Variants in NUDT21 observed in about 807,000 individuals in gnomAD.
NUDT21 encodes cleavage and polyadenylation specificity factor subunit 5.
Under a neutral mutation model 29.8 loss-of-function variants are expected in NUDT21, and 5 were observed. The ratio of observed to expected loss-of-function variants is 0.17; its 90% CI spans 0.09 to 0.35. The LOEUF is 0.35. Ranked by LOEUF, NUDT21 falls within the 10% of genes least tolerant of loss-of-function variation. The pLI, the probability that NUDT21 is intolerant of heterozygous loss-of-function variation, is 1.00. For synonymous variants in NUDT21, 113 were observed against 98.5 expected (o/e 1.15, Z -0.87); for missense variants, 76 against 276.0 (o/e 0.28, Z 5.13).
At chr16:56,439,825 T>A in intron 3 of NUDT21, 79 bp from the exon 4 acceptor site, 6 of 1,092,940 alleles carry the variant, frequency 5.5e-6, no homozygotes, top group Non-Finnish European at 8.5e-6. Flanking sequence ...AGAAAATTCT[T>A]AGCAGTGCTC....
chr16:56,441,162 G>A (rs1033293225), intron 3 of NUDT21, among the ~76,000 whole-genome samples: 2 of 151,888 alleles, frequency 1.3e-5, no homozygotes, highest in Non-Finnish European at 2.9e-5. Flanking sequence ...GCCCCACAAA[G>A]CACTGGGATT....
chr16:56,450,947 A>G, intron 1 of NUDT21, 140 bp downstream of exon 1: 1 of 660,540 alleles, frequency 1.5e-6, no homozygotes, highest in Non-Finnish European at 2.6e-6. Context: ...TGAGAGAGGG[A>G]GGAAGGCGCG....
At chr16:56,440,559 T>C (rs1437157598) in intron 3 of NUDT21, among the ~76,000 whole-genome samples, 1 of 152,190 alleles carries the variant, frequency 6.6e-6, no homozygotes, top group African/African-American at 2.4e-5. Context: ...ACTGGTCAAG[T>C]ATTTTGTAAA....
Position 56,432,540 on chromosome 16 carries a change from ACTAT to A in NUDT21, c.*168_*171del. ...AAACATTATCACATTTGTTTACACCACTATCTAGTTCTTCATATTAATTTTACTA... is the reference window on the plus strand; with the variant it reads ...AAACATTATCACATTTGTTTACACCACTAGTTCTTCATATTAATTTTACTA... On this transcript the variant is annotated 3_prime_UTR_variant, in exon 7 of 7. Transcript: ENST00000300291. 1 of 450,390 alleles carries A rather than the reference ACTAT, an allele frequency of 2.2e-6. No homozygotes were observed. Among genetic ancestry groups the A allele is most frequent in the Non-Finnish European group, 4.1e-6 (1 of 245,558 alleles). The allele number at this position is 450,390 out of a possible 1,614,324, so 27.9% of individuals were successfully genotyped here.
intron 3 of NUDT21, among the ~76,000 whole-genome samples, chr16:56,446,231 T>G (rs1377225060): frequency 1.3e-5 from 2 of 152,200 alleles, no homozygotes; most frequent in Non-Finnish European, 2.9e-5. Context: ...AGAGGCCTAC[T>G]CTTGAACAAA....
chr16:56,450,996 G>T (rs999145107), intron 1 of NUDT21, 91 bp downstream of exon 1: 2 of 1,063,356 alleles, frequency 1.9e-6, no homozygotes. Context: ...AGGTGCAGAG[G>T]CGTGAAGCGC....
chr16:56,450,867 T>C (rs1210748724), intron 1 of NUDT21, among the ~76,000 whole-genome samples: 1 of 152,066 alleles, frequency 6.6e-6, no homozygotes, highest in Admixed American at 6.5e-5. Context: ...ACCGAATACA[T>C]AGGATGGGAA....
At chr16:56,441,145 G>A (rs1363330355) in intron 3 of NUDT21, among the ~76,000 whole-genome samples, 2 of 151,854 alleles carry the variant, frequency 1.3e-5, no homozygotes. Flanking sequence ...GCAATCTTCC[G>A]GCCTCAGCCC....
chr16:56,437,562 C>G lies in NUDT21; in HGVS notation c.471+2095G>C, dbSNP rs139327978. ...TCCCTGTTTGCTGCCACTGTCTCAACAAGCACTCAAGACTCAACATGGAAA... is the reference window on the plus strand; with the variant it reads ...TCCCTGTTTGCTGCCACTGTCTCAAGAAGCACTCAAGACTCAACATGGAAA... On this transcript the variant is annotated intron_variant, in intron 4 of 6. Coordinates refer to ENST00000300291, the MANE Select transcript of NUDT21 (RefSeq NM_007006.3). Among the ~76,000 whole-genome samples, 32 of 152,326 alleles carry G rather than the reference C, an allele frequency of 2.1e-4. No homozygotes were observed. The East Asian group carries it at 5.6e-3, about 27-fold the overall frequency.
Position 56,447,783 on chromosome 16 carries a change from A to G in NUDT21, c.317+6T>C. 1 of 1,613,492 alleles carries G rather than the reference A, an allele frequency of 6.2e-7. No homozygotes were observed. The highest frequency in any genetic ancestry group is 8.5e-7 in the Non-Finnish European group (1 of 1,179,456). On this transcript the variant is annotated splice_donor_region_variant and intron_variant, in intron 2 of 6. Transcript: ENST00000300291. The stretch of plus-strand genomic sequence containing the variant: ...TGTCTTGCTGTTAATTTCCAACACT[A>G]CTTACAGTTTGAAGAAAGTTGTTCC...
At position 56,451,260 on chromosome 16, in the gene NUDT21, C is replaced by CGCACGGGGAAAGT; in HGVS notation, c.-59_-58insACTTTCCCCGTGC. ...AAGTGGCAGGCAGGGTAGACTTTCC[C>CGCACGGGGAAAGT]CGTGCGGGAAGCGGTTATCTGCAAT... On this transcript the variant is annotated 5_prime_UTR_variant, in exon 1 of 7. Transcript: ENST00000300291. 1 of 1,341,282 alleles carries CGCACGGGGAAAGT rather than the reference C, an allele frequency of 7.5e-7. No individual in the cohort carries two copies. Among genetic ancestry groups the CGCACGGGGAAAGT allele is most frequent in the Non-Finnish European group, 1.0e-6 (1 of 967,302 alleles). The allele number at this position is 1,341,282 out of a possible 1,614,324, so 83.1% of individuals were successfully genotyped here. A position where few individuals can be genotyped will look rare whatever the true frequency, so the allele number is the denominator to read the frequency against.
chr16:56,447,608 T>C (rs1205387723), intron 2 of NUDT21, 181 bp downstream of exon 2: 3 of 592,218 alleles, frequency 5.1e-6, no homozygotes, highest in African/African-American at 3.7e-5. Context: ...AGATTACTAG[T>C]TAGGAAAATA....
intron 6 of NUDT21, among the ~76,000 whole-genome samples, chr16:56,434,080 T>G (rs182252069): frequency 6.9e-4 from 105 of 152,328 alleles, no homozygotes; most frequent in Non-Finnish European, 1.2e-3. Context: ...GACATCAACC[T>G]TAACTCTTGA....
chr16:56,444,294 A>T (rs1256481115), intron 3 of NUDT21, among the ~76,000 whole-genome samples: 1 of 151,994 alleles, frequency 6.6e-6, no homozygotes, highest in Non-Finnish European at 1.5e-5. Context: ...TAAAAAAAAT[A>T]AGTAAGCCTA....
Position 56,442,340 on chromosome 16 carries a change from T to G in NUDT21, c.382-2594A>C, listed in dbSNP as rs77466360. Among the ~76,000 whole-genome samples, 100 of 152,354 alleles carry G rather than the reference T, an allele frequency of 6.6e-4. No individual in the cohort carries two copies. The East Asian group carries it at 0.016, about 25-fold the overall frequency. ...AGATGTAACTTTTTGAAACTCTGCA[T>G]GTCTAGAAGTAACTTTTACCCACAC... On this transcript the variant is annotated intron_variant, in intron 3 of 6. Coordinates refer to ENST00000300291, the MANE Select transcript of NUDT21 (RefSeq NM_007006.3).
In NUDT21 at chr16:56,432,651, C is replaced by G; in HGVS notation, c.*61G>C. 1 of 1,469,164 alleles carries G rather than the reference C, an allele frequency of 6.8e-7. No homozygotes were observed. The highest frequency in any genetic ancestry group is 9.3e-7 in the Non-Finnish European group (1 of 1,080,536). The allele number at this position is 1,469,164 out of a possible 1,614,324, so 91.0% of individuals were successfully genotyped here. A position where few individuals can be genotyped will look rare whatever the true frequency, so the allele number is the denominator to read the frequency against. ...ACTTTTCTACCACATTTATTCTACA[C>G]TGTATATAGCTGTGCTCACAGAGAC... On this transcript the variant is annotated 3_prime_UTR_variant, in exon 7 of 7. Coordinates refer to ENST00000300291, the MANE Select transcript of NUDT21 (RefSeq NM_007006.3).
chr16:56,429,663 G>GT lies in NUDT21; in HGVS notation c.*3048dup, dbSNP rs1169022664. The GT allele has an allele frequency of 6.6e-6, 1 of 152,168 alleles. No individual in the cohort carries two copies. Among genetic ancestry groups the GT allele is most frequent in the Middle Eastern group, 3.2e-3 (1 of 316 alleles). 9.4% of individuals were successfully genotyped at this position (152,168 alleles called of 1,614,324 possible). A position where few individuals can be genotyped will look rare whatever the true frequency, so the allele number is the denominator to read the frequency against. On this transcript the variant is annotated 3_prime_UTR_variant, in exon 7 of 7. Coordinates refer to ENST00000300291, the MANE Select transcript of NUDT21 (RefSeq NM_007006.3). The stretch of plus-strand genomic sequence containing the variant: ...TAATCAGTGATGTATAACAAGTGAA[G>GT]TAAGTATGGGAAAATCAAATCTTAT...
At chr16:56,444,755 T>A (rs557829683) in intron 3 of NUDT21, among the ~76,000 whole-genome samples, 1 of 152,204 alleles carries the variant, frequency 6.6e-6, no homozygotes, top group African/African-American at 2.4e-5. Flanking sequence ...GTTCTCTGAT[T>A]CAATTACTAC....
At chr16:56,434,623 C>T in intron 5 of NUDT21, 131 bp downstream of exon 5, 1 of 788,556 alleles carries the variant, frequency 1.3e-6, no homozygotes, top group Non-Finnish European at 2.2e-6. Flanking sequence ...AAACTAAAAG[C>T]ATGGTATACA....
Sources: gnomAD v4.1 joint callset for allele counts (sites outside exome capture counted in the v4.1 genomes callset) on GRCh38, gnomAD v4.1.1 for gene constraint, MANE v1.5 for transcripts, NCBI Gene and HGNC (gene_info 2026-07-23, HGNC 2026-07-21) for gene names.